Variants in TNIK observed in about 807,000 individuals in gnomAD.
The protein encoded by TNIK is TRAF2 and NCK-interacting protein kinase.
Under a neutral mutation model 191.3 loss-of-function variants are expected in TNIK, and 49 were observed. The ratio of observed to expected loss-of-function variants is 0.26; its 90% CI spans 0.20 to 0.32. The LOEUF is 0.32. Ranked by LOEUF, TNIK falls within the 10% of genes least tolerant of loss-of-function variation. TNIK has a pLI of 1.00. For missense variants in TNIK, 1,155 were observed against 1,702.3 expected, an observed-to-expected ratio of 0.68 and a Z score of 5.66; for synonymous variants, 594 against 600.9, an observed-to-expected ratio of 0.99 and a Z score of 0.17.
intron 1 of TNIK, among the ~76,000 whole-genome samples, chr3:171,451,950 C>T (rs926408141): frequency 5.3e-5 from 8 of 152,330 alleles, no homozygotes; most frequent in African/African-American, 1.7e-4. Context: ...TTCTAATACA[C>T]TAATCAAACA....
chr3:171,102,622 C>G (rs1370260551), intron 21 of TNIK, among the ~76,000 whole-genome samples: 4 of 152,184 alleles, frequency 2.6e-5, no homozygotes, highest in African/African-American at 9.7e-5. Flanking sequence ...TGACATCAGT[C>G]TTACCATTTC....
intron 3 of TNIK, among the ~76,000 whole-genome samples, chr3:171,213,392 G>A (rs960122681): frequency 6.6e-6 from 1 of 152,008 alleles, no homozygotes; most frequent in Non-Finnish European, 1.5e-5. Context: ...TAAAAGACAC[G>A]GATCACTTTC....
intron 2 of TNIK, among the ~76,000 whole-genome samples, chr3:171,284,307 C>T (rs1750785917): frequency 6.6e-6 from 1 of 152,212 alleles, no homozygotes; most frequent in African/African-American, 2.4e-5. Context: ...ACACTCCGTT[C>T]ATAGTAGGGT....
intron 4 of TNIK, among the ~76,000 whole-genome samples, chr3:171,201,838 T>C (rs1739453308): frequency 6.6e-6 from 1 of 152,198 alleles, no homozygotes; most frequent in Non-Finnish European, 1.5e-5. Context: ...GGCTTCTGAA[T>C]TATATTTTTC....
intron 2 of TNIK, among the ~76,000 whole-genome samples, chr3:171,313,268 C>CT (rs35028773): frequency 9.3e-5 from 11 of 118,358 alleles, no homozygotes; most frequent in East Asian, 4.1e-4. Context: ...TTCTTTCTTT[C>CT]TTTTTTTTTA....
intron 1 of TNIK, among the ~76,000 whole-genome samples, chr3:171,382,218 C>CTTTTTTTTT (rs63626462): frequency 1.7e-4 from 17 of 99,150 alleles, no homozygotes; most frequent in Non-Finnish European, 2.7e-4. Context: ...TTGAATACAT[C>CTTTTTTTTT]TTTTTTTTTT....
At chr3:171,094,505 C>CTA (rs1036750324) in intron 22 of TNIK, among the ~76,000 whole-genome samples, 3 of 152,128 alleles carry the variant, frequency 2.0e-5, no homozygotes, top group Non-Finnish European at 4.4e-5. Context: ...CCCTCTTGAC[C>CTA]TATTCTCTGC....
rs916016765 is a variant in TNIK, at chr3:171,235,023, ATTTG to A, written c.124-6806_124-6803del. Among the ~76,000 whole-genome samples the A allele has an allele frequency of 4.7e-4, 70 of 147,596 alleles. 1 individual carries two copies. Among genetic ancestry groups the A allele is most frequent in the African/African-American group, 8.0e-4 (32 of 40,140 alleles). ...ATCTGTGGCTTTTTAAAAATTTTTT[ATTTG>A]TTTATTTATTCATTTATTTATTTAT... On this transcript the variant is annotated intron_variant, in intron 2 of 32. Coordinates refer to ENST00000436636, the MANE Select transcript of TNIK (RefSeq NM_015028.4).
chr3:171,141,422 T>C (rs77319607), intron 12 of TNIK, among the ~76,000 whole-genome samples: 6,512 of 152,280 alleles, frequency 0.043, 175 homozygotes, highest in Non-Finnish European at 0.062. Context: ...AGAGGAATGA[T>C]AGAAAGATCA....
rs1360694905 is a variant in TNIK, at chr3:171,062,441, A to T, written c.*1440T>A. Reference sequence around the variant, plus strand: ...AAGCGCAACACAGATATTGTTTGCAACACCTCGATACCACAGGCGGCCATG... The same window carrying T: ...AAGCGCAACACAGATATTGTTTGCATCACCTCGATACCACAGGCGGCCATG... On this transcript the variant is annotated 3_prime_UTR_variant, in exon 33 of 33. Coordinates refer to ENST00000436636, the MANE Select transcript of TNIK (RefSeq NM_015028.4). 6.6e-6 allele frequency: 1 copy of T among 152,148 alleles called. No individual in the cohort carries two copies. The highest frequency in any genetic ancestry group is 1.5e-5 in the Non-Finnish European group (1 of 68,026). The allele number at this position is 152,148 out of a possible 1,614,324, so 9.4% of individuals were successfully genotyped here.
chr3:171,434,703 T>A (rs1262322088), intron 1 of TNIK, among the ~76,000 whole-genome samples: 1 of 152,042 alleles, frequency 6.6e-6, no homozygotes, highest in East Asian at 1.9e-4. Context: ...CAAGCCATCC[T>A]CCCACCTTGG....
intron 8 of TNIK, among the ~76,000 whole-genome samples, chr3:171,176,875 A>G (rs1278049070): frequency 6.6e-6 from 1 of 152,264 alleles, no homozygotes; most frequent in Non-Finnish European, 1.5e-5. Flanking sequence ...TGTCTCAAAT[A>G]GCAGGGAAAT....
intron 12 of TNIK, among the ~76,000 whole-genome samples, chr3:171,145,088 CT>C (rs71176594): frequency 0.46 from 60,634 of 132,052 alleles, 13,135 homozygotes; most frequent in African/African-American, 0.6. Context: ...CTATCTCTCT[CT>C]TTTTTTTTTT....
intron 7 of TNIK, among the ~76,000 whole-genome samples, chr3:171,188,038 C>T (rs969909515): frequency 6.6e-6 from 1 of 152,176 alleles, no homozygotes; most frequent in African/African-American, 2.4e-5. Flanking sequence ...GGCAATAATG[C>T]AAAATTATGT....
chr3:171,284,889 CAG>C (rs1358907294), intron 2 of TNIK, among the ~76,000 whole-genome samples: 1 of 152,182 alleles, frequency 6.6e-6, no homozygotes, highest in African/African-American at 2.4e-5. Context: ...GGGGAGAACT[CAG>C]AGAAAGCGTG....
chr3:171,426,408 G>A (rs1208128133), intron 1 of TNIK, among the ~76,000 whole-genome samples: 1 of 116,390 alleles, frequency 8.6e-6, no homozygotes, highest in Non-Finnish European at 1.7e-5. Flanking sequence ...CCTGTTGTGG[G>A]GTGGGGGGAG....
intron 2 of TNIK, among the ~76,000 whole-genome samples, chr3:171,296,444 CTGCT>C (rs1158768411): frequency 3.3e-5 from 5 of 152,276 alleles, no homozygotes; most frequent in South Asian, 4.1e-4. Flanking sequence ...CAGATAATGT[CTGCT>C]TGCTTGTTAG....
chr3:171,361,402 T>G (rs571380400), intron 2 of TNIK, among the ~76,000 whole-genome samples: 5 of 152,280 alleles, frequency 3.3e-5, no homozygotes, highest in African/African-American at 1.2e-4. Context: ...CCATATGGCA[T>G]CTAGCACACA....
intron 9 of TNIK, among the ~76,000 whole-genome samples, chr3:171,171,826 G>C (rs1328459809): frequency 6.6e-6 from 1 of 152,204 alleles, no homozygotes; most frequent in African/African-American, 2.4e-5. Flanking sequence ...GAGAGAATGG[G>C]TATCCCAGTC....
Sources: gnomAD v4.1 joint callset for allele counts (sites outside exome capture counted in the v4.1 genomes callset) on GRCh38, gnomAD v4.1.1 for gene constraint, MANE v1.5 for transcripts, NCBI Gene and HGNC (gene_info 2026-07-23, HGNC 2026-07-21) for gene names.